The following ANTXRL variants were observed in gnomAD, a reference collection of about 807,000 sequenced individuals.
ANTXRL encodes anthrax toxin receptor-like.
ANTXRL carries 63 observed loss-of-function variants against 75.4 expected under a neutral mutation model. The observed-to-expected ratio is 0.84, with a 90% CI of 0.68 to 1.03. The LOEUF (loss-of-function observed/expected upper bound fraction) is 1.03. Ranked by LOEUF, ANTXRL falls within the 50% of genes least tolerant of loss-of-function variation. The pLI, the probability that ANTXRL is intolerant of heterozygous loss-of-function variation, is 0.00. For missense variants in ANTXRL, 797 were observed against 789.4 expected, an observed-to-expected ratio of 1.01 and a Z score of -0.12; for synonymous variants, 335 against 291.3, an observed-to-expected ratio of 1.15 and a Z score of -1.53.
chr10:46,313,483 A>T (rs782098324), intron 16 of ANTXRL, among the ~76,000 whole-genome samples, 167 bp downstream of exon 16: 1 of 152,184 alleles, frequency 6.6e-6, no homozygotes, highest in Non-Finnish European at 1.5e-5. Flanking sequence ...CAGTTTCTGG[A>T]CATGGCATCA....
chr10:46,313,573 G>A (rs1451227922), intron 16 of ANTXRL, among the ~76,000 whole-genome samples: 1 of 152,148 alleles, frequency 6.6e-6, no homozygotes, highest in Non-Finnish European at 1.5e-5. Context: ...ACAGTGACTG[G>A]TTCTAACAGG....
At chr10:46,308,430 C>A (rs782321684) in intron 12 of ANTXRL, 1 of 387,908 alleles carries the variant, frequency 2.6e-6, no homozygotes, top group South Asian at 1.9e-5. Context: ...CTCCCCTCCT[C>A]TCCACTCCCC....
At chr10:46,319,379 C>T (rs1471546646) in intron 16 of ANTXRL, among the ~76,000 whole-genome samples, 1 of 152,070 alleles carries the variant, frequency 6.6e-6, no homozygotes, top group Non-Finnish European at 1.5e-5. Flanking sequence ...ACCACTTATG[C>T]TCAATGGATG....
At chr10:46,329,017 A>G (rs1839361832) in intron 16 of ANTXRL, among the ~76,000 whole-genome samples, 1 of 152,198 alleles carries the variant, frequency 6.6e-6, no homozygotes, top group Admixed American at 6.5e-5. Context: ...GAACACAAAG[A>G]CAATCTCTGT....
intron 9 of ANTXRL, among the ~76,000 whole-genome samples, chr10:46,298,280 G>A (rs1554959640): frequency 6.6e-6 from 1 of 151,922 alleles, no homozygotes; most frequent in Non-Finnish European, 1.5e-5. Flanking sequence ...GGGAAGTTGT[G>A]CTGTGGGAGG....
chr10:46,326,961 G>A (rs1201324677), intron 16 of ANTXRL, among the ~76,000 whole-genome samples: 5 of 152,080 alleles, frequency 3.3e-5, no homozygotes, highest in African/African-American at 1.2e-4. Flanking sequence ...CCCCAACTCT[G>A]TGCTGCAAGG....
chr10:46,322,919 CA>C (rs1839048261), intron 16 of ANTXRL, among the ~76,000 whole-genome samples: 1 of 152,148 alleles, frequency 6.6e-6, no homozygotes, highest in African/African-American at 2.4e-5. Flanking sequence ...CTTTTATATT[CA>C]GGTTCAGTTT....
intron 1 of ANTXRL, among the ~76,000 whole-genome samples, chr10:46,291,128 A>G (rs1354324643): frequency 2.6e-5 from 4 of 152,142 alleles, no homozygotes; most frequent in Admixed American, 2.0e-4. Context: ...GAAGGGTCCA[A>G]CTTCATTCTT....
In ANTXRL at chr10:46,318,675, A is replaced by G. The variant is rs367586020; in HGVS notation, c.1410+5359A>G. ...AAATCGAGCAAACAATAAATAGAGT[A>G]TATAATTGTGGTGATAGCCCCTGGT... is the stretch of plus-strand genomic sequence containing the variant. On this transcript the variant is annotated intron_variant, in intron 16 of 16. Transcript: ENST00000620264. Among the ~76,000 whole-genome samples, 10 of 152,288 alleles carry G rather than the reference A, an allele frequency of 6.6e-5. No homozygotes were observed. In the East Asian group the frequency reaches 1.7e-3, roughly 26 times the overall value.
chr10:46,306,962 C>A (rs1554962081), intron 11 of ANTXRL, 90 bp downstream of exon 11: 1 of 1,103,950 alleles, frequency 9.1e-7, no homozygotes, highest in Non-Finnish European at 1.3e-6. Context: ...ATGCCCCCCA[C>A]CCCCTGCTGG....
chr10:46,308,634 C>A (rs1838244267), intron 12 of ANTXRL: 1 of 350,002 alleles, frequency 2.9e-6, no homozygotes, highest in Non-Finnish European at 5.7e-6. Flanking sequence ...TCACAAGTGC[C>A]CCCAGGGAGG....
At chr10:46,327,526 T>A (rs1222618097) in intron 16 of ANTXRL, among the ~76,000 whole-genome samples, 6 of 151,928 alleles carry the variant, frequency 3.9e-5, no homozygotes, top group South Asian at 2.1e-4. Flanking sequence ...AAGGGGAAAG[T>A]CAGCATCATC....
In ANTXRL at chr10:46,313,262, C is replaced by G; in HGVS notation, c.1356C>G (p.Leu452=). The part of the protein sequence containing the change: ...IEGNLDTFCD[L]SHASCHQVPW... ...GCAATCTGGATACCTTTTGTGACCT[C>G]TCTCACGCAAGCTGCCACCAGGTGC... The change falls in exon 16 of 17, where the codon CTC becomes CTG. Residue 452 remains leucine (L), a synonymous_variant. Transcript: ENST00000620264. The G allele has an allele frequency of 6.5e-7, 1 of 1,535,902 alleles. No individual in the cohort carries two copies. The highest frequency in any genetic ancestry group is 1.2e-5 in the South Asian group (1 of 84,050).
chr10:46,313,156 TG>T, intron 15 of ANTXRL, 79 bp from the exon 16 acceptor site: 1 of 1,243,224 alleles, frequency 8.0e-7, no homozygotes. Context: ...CACAGAGCTG[TG>T]GGGGGCTGGG....
Position 46,313,311 on chromosome 10 carries a change from G to C in ANTXRL, c.1405G>C (p.Asp469His). 6.5e-7 allele frequency: 1 copy of C among 1,535,890 alleles called. No individual in the cohort carries two copies. Among genetic ancestry groups the C allele is most frequent in the Non-Finnish European group, 8.7e-7 (1 of 1,146,708 alleles). Residue 469 changes from aspartate (D) to histidine (H), a missense_variant, in exon 16 of 17, where the codon GAC becomes CAC. This residue lies in a region of ANTXRL where 479 missense variants were observed against 422.0 expected (regional missense o/e 1.14). Transcript: ENST00000620264. ...GCCATGGATGTGTTGTCAGAGCAGGGACCAGGTGAGCTAGGGCACAGGGAC... is the reference window on the plus strand; with the variant it reads ...GCCATGGATGTGTTGTCAGAGCAGGCACCAGGTGAGCTAGGGCACAGGGAC... ...QVPWMCCQSR[D>H]QGRYLSLALA...
chr10:46,287,427 C>T lies in ANTXRL; in HGVS notation c.165C>T (p.Gly55=). The part of the protein sequence containing the change: ...LGSRRAHHHH[G]PGWRQHWRQG... ...CCAGGAGAGCCCACCACCACCATGG[C>T]CCAGGATGGAGGCAGCACTGGCGCC... is the stretch of plus-strand genomic sequence containing the variant. The change falls in exon 1 of 17, where the codon GGC becomes GGT. Residue 55 remains glycine (G), a synonymous_variant. Coordinates refer to ENST00000620264, the MANE Select transcript of ANTXRL (RefSeq NM_001278688.3). 1 of 1,535,918 alleles carries T rather than the reference C, an allele frequency of 6.5e-7. No individual in the cohort carries two copies. The highest frequency in any genetic ancestry group is 2.0e-5 in the Admixed American group (1 of 50,980).
intron 16 of ANTXRL, among the ~76,000 whole-genome samples, chr10:46,318,535 A>G (rs1261816262): frequency 6.6e-6 from 1 of 152,192 alleles, no homozygotes; most frequent in Non-Finnish European, 1.5e-5. Flanking sequence ...AAGAATCATT[A>G]AGAAATTTTT....
At chr10:46,293,735 G>A (rs1241488160) in intron 2 of ANTXRL, 94 bp from the exon 3 acceptor site, 9 of 1,043,112 alleles carry the variant, frequency 8.6e-6, no homozygotes, top group Non-Finnish European at 1.3e-5. Context: ...CTCCAAAGCG[G>A]AAGAGTTGGG....
intron 16 of ANTXRL, among the ~76,000 whole-genome samples, chr10:46,314,277 C>A (rs1333209776): frequency 2.6e-5 from 4 of 152,126 alleles, no homozygotes; most frequent in Non-Finnish European, 5.9e-5. Flanking sequence ...GCTCCTCCAG[C>A]CGCTGGGCTC....
Sources: gnomAD v4.1 joint callset for allele counts (sites outside exome capture counted in the v4.1 genomes callset) on GRCh38, gnomAD v4.1.1 for gene constraint, gnomAD v4.1.1 regional missense constraint, MANE v1.5 for transcripts, NCBI Gene and HGNC (gene_info 2026-07-23, HGNC 2026-07-21) for gene names.